The following ASAH2 variants were observed in gnomAD, a reference collection of about 807,000 sequenced individuals.
The protein encoded by ASAH2 is neutral ceramidase.
In ASAH2, 58 loss-of-function variants were observed where a neutral mutation model predicts 82.9. The observed-to-expected ratio is 0.70, with a 90% CI of 0.57 to 0.87. The LOEUF is 0.87. Among genes scored for constraint, ASAH2 ranks in the 40% least tolerant of loss-of-function variants. ASAH2 has a pLI of 0.00. For synonymous variants in ASAH2, 276 were observed against 289.7 expected, an observed-to-expected ratio of 0.95 and a Z score of 0.48; for missense variants, 779 against 834.0, an observed-to-expected ratio of 0.93 and a Z score of 0.81.
intron 12 of ASAH2, among the ~76,000 whole-genome samples, chr10:50,206,505 C>G (rs1475463593): frequency 2.7e-5 from 4 of 147,576 alleles, no homozygotes; most frequent in Admixed American, 1.4e-4. Context: ...GACTTATGGT[C>G]CCTGAAATAA....
chr10:50,240,336 G>C (rs2133229831), intron 4 of ASAH2, among the ~76,000 whole-genome samples: 1 of 152,222 alleles, frequency 6.6e-6, no homozygotes, highest in Non-Finnish European at 1.5e-5. Context: ...AAATCCCTCT[G>C]TTTGAAATAC....
At chr10:50,247,241 C>T (rs1846484647) in intron 2 of ASAH2, among the ~76,000 whole-genome samples, 3 of 152,008 alleles carry the variant, frequency 2.0e-5, no homozygotes, top group South Asian at 2.1e-4. Context: ...CAACCTCTGA[C>T]CCCTGGGTTC....
At chr10:50,216,674 TC>T (rs1845609952) in intron 8 of ASAH2, among the ~76,000 whole-genome samples, 5 of 13,614 alleles carry the variant, frequency 3.7e-4, no homozygotes, top group Non-Finnish European at 2.0e-3. Context: ...ATGTATATTT[TC>T]TCTCTCTCTT....
At chr10:50,243,713 C>T (rs1446975988) in intron 3 of ASAH2, among the ~76,000 whole-genome samples, 2 of 152,160 alleles carry the variant, frequency 1.3e-5, no homozygotes, top group Non-Finnish European at 2.9e-5. Flanking sequence ...TTGGCAATGG[C>T]TCTTCTTCTC....
chr10:50,210,236 C>G (rs1845414947), intron 12 of ASAH2, among the ~76,000 whole-genome samples: 1 of 152,060 alleles, frequency 6.6e-6, no homozygotes, highest in Non-Finnish European at 1.5e-5. Flanking sequence ...AGCAGTGGCT[C>G]ACACCTGTAA....
chr10:50,243,100 T>C (rs1700748957), intron 4 of ASAH2, 102 bp downstream of exon 4: 2 of 1,367,360 alleles, frequency 1.5e-6, no homozygotes, highest in African/African-American at 1.4e-5. Context: ...TAATAGAATT[T>C]CACTGAATGA....
chr10:50,188,257 T>C (rs1278393252), intron 20 of ASAH2, among the ~76,000 whole-genome samples: 7 of 138,232 alleles, frequency 5.1e-5, no homozygotes, highest in African/African-American at 1.6e-4. Context: ...GCAGGTCAGT[T>C]GGTACAGGGA....
rs1211563560 is a variant in ASAH2, at chr10:50,214,016, T to C, written c.1140+727A>G. On this transcript the variant is annotated intron_variant, in intron 9 of 20. Transcript: ENST00000682911. ...CAAAGCTAAATGAACATTGTGGGAG[T>C]TAAATAAATGATGGTATAGCCTAAC... Among the ~76,000 whole-genome samples, 3 of 151,940 alleles carry C rather than the reference T, an allele frequency of 2.0e-5. No individual in the cohort carries two copies. The East Asian group carries it at 5.8e-4, about 29-fold the overall frequency.
At chr10:50,198,969 C>G in intron 17 of ASAH2, 82 bp downstream of exon 17, 1 of 1,479,520 alleles carries the variant, frequency 6.8e-7, no homozygotes, top group African/African-American at 1.4e-5. Flanking sequence ...TTTTCTTACC[C>G]AGACACAGAC....
intron 2 of ASAH2, among the ~76,000 whole-genome samples, chr10:50,247,430 G>T (rs1401525480): frequency 6.6e-6 from 1 of 151,898 alleles, no homozygotes; most frequent in Non-Finnish European, 1.5e-5. Flanking sequence ...CCCCCAAAGT[G>T]CTGGGATTAT....
intron 7 of ASAH2, among the ~76,000 whole-genome samples, chr10:50,221,627 TTGTATGTGTGTG>T (rs1373362765): frequency 4.1e-5 from 6 of 144,684 alleles, no homozygotes; most frequent in East Asian, 2.0e-4. Flanking sequence ...TGAATTCAGG[TTGTATGTGTGTG>T]TGTGTGTGTG....
At chr10:50,228,410 C>T (rs945584311) in intron 7 of ASAH2, among the ~76,000 whole-genome samples, 1 of 152,096 alleles carries the variant, frequency 6.6e-6, no homozygotes, top group East Asian at 1.9e-4. Context: ...AACAGTCAGA[C>T]ATTACAATTC....
Position 50,236,480 on chromosome 10 carries a change from T to C in ASAH2, c.511-416A>G, listed in dbSNP as rs1317005236. Among the ~76,000 whole-genome samples, 7 of 151,940 alleles carry C rather than the reference T, an allele frequency of 4.6e-5. No homozygotes were observed. In the East Asian group the frequency reaches 1.3e-3, roughly 29 times the overall value. ...CCCATGGGGTCCCTCCCACGACACA[T>C]GGGGATTATGGTAACTAAAACTCAA... On this transcript the variant is annotated intron_variant, in intron 4 of 20. Transcript: ENST00000682911.
intron 16 of ASAH2, among the ~76,000 whole-genome samples, chr10:50,201,175 G>C (rs1363105377): frequency 1.3e-5 from 2 of 151,914 alleles, no homozygotes; most frequent in Admixed American, 1.3e-4. Flanking sequence ...CCCCTTTCCA[G>C]CTCCCCATTC....
chr10:50,213,115 A>G (rs1845504521), intron 9 of ASAH2, 57 bp from the exon 10 acceptor site: 1 of 1,394,052 alleles, frequency 7.2e-7, no homozygotes, highest in African/African-American at 1.4e-5. Flanking sequence ...ATTTTAAGGA[A>G]TAAAGAATTA....
At chr10:50,195,133 A>G (rs1296759619) in intron 18 of ASAH2, among the ~76,000 whole-genome samples, 1 of 151,566 alleles carries the variant, frequency 6.6e-6, no homozygotes, top group Non-Finnish European at 1.5e-5. Flanking sequence ...AAACACTTGC[A>G]AACTATGCAT....
chr10:50,227,720 A>G (rs1342672175), intron 7 of ASAH2, among the ~76,000 whole-genome samples: 2 of 152,182 alleles, frequency 1.3e-5, no homozygotes, highest in African/African-American at 4.8e-5. Context: ...CAATATCTCC[A>G]GCCAACTATT....
chr10:50,203,572 G>T, intron 15 of ASAH2, 68 bp downstream of exon 15: 1 of 1,318,652 alleles, frequency 7.6e-7, no homozygotes, highest in Non-Finnish European at 1.1e-6. Context: ...TAGGATCATA[G>T]GGATAGGATA....
At chr10:50,231,317 T>C (rs1846017273) in intron 7 of ASAH2, among the ~76,000 whole-genome samples, 1 of 152,114 alleles carries the variant, frequency 6.6e-6, no homozygotes, top group South Asian at 2.1e-4. Flanking sequence ...TCTGGCCTTA[T>C]GGCTCTGTAT....
Sources: allele counts gnomAD v4.1 joint callset (sites outside exome capture counted in the v4.1 genomes callset), GRCh38; gene constraint gnomAD v4.1.1; transcripts MANE v1.5; gene names NCBI Gene and HGNC (gene_info 2026-07-23, HGNC 2026-07-21).